The following PXT1 variants were observed in gnomAD, a reference collection of about 807,000 sequenced individuals.
PXT1 encodes peroxisomal testis-specific protein 1.
In PXT1, 11 loss-of-function variants were observed where a neutral mutation model predicts 11.0. The observed-to-expected ratio is 1.00, with a 90% CI of 0.63 to 1.66. PXT1 has a LOEUF of 1.66. Among genes scored for constraint, PXT1 ranks in the 40% most tolerant of loss-of-function variants. PXT1 has a pLI of 0.00. For synonymous variants in PXT1, 43 were observed against 51.4 expected, an observed-to-expected ratio of 0.84 and a Z score of 0.70; for missense variants, 141 against 155.5, an observed-to-expected ratio of 0.91 and a Z score of 0.49.
chr6:36,442,143 C>T (rs926493134), intron 1 of PXT1, among the ~76,000 whole-genome samples: 2 of 152,064 alleles, frequency 1.3e-5, no homozygotes, highest in African/African-American at 4.8e-5. Flanking sequence ...ATTCTCCTGC[C>T]TCAGCCTCCC....
chr6:36,393,707 C>G (rs1000535137), intron 4 of PXT1, among the ~76,000 whole-genome samples: 2 of 147,512 alleles, frequency 1.4e-5, no homozygotes, highest in Non-Finnish European at 1.5e-5. Flanking sequence ...GCCTGGATGA[C>G]AGAGTGAGAC....
At chr6:36,405,481 T>G (rs1325924697) in intron 3 of PXT1, among the ~76,000 whole-genome samples, 1 of 152,068 alleles carries the variant, frequency 6.6e-6, no homozygotes, top group Non-Finnish European at 1.5e-5. Flanking sequence ...CGGGTTCAAG[T>G]GATTCTCCTG....
chr6:36,398,546 G>T (rs919338321), intron 4 of PXT1, among the ~76,000 whole-genome samples: 1 of 152,114 alleles, frequency 6.6e-6, no homozygotes, highest in African/African-American at 2.4e-5. Flanking sequence ...ACTGTAAAAA[G>T]AAGTAAAATA....
intron 1 of PXT1, among the ~76,000 whole-genome samples, chr6:36,440,996 G>C (rs1774851085): frequency 6.6e-6 from 1 of 151,952 alleles, no homozygotes; most frequent in African/African-American, 2.4e-5. Flanking sequence ...AGCCAGTGCA[G>C]TGGCTCATGC....
At chr6:36,404,617 C>T (rs1040657567) in intron 3 of PXT1, among the ~76,000 whole-genome samples, 2 of 151,242 alleles carry the variant, frequency 1.3e-5, no homozygotes, top group East Asian at 1.9e-4. Context: ...CCACCGTGCC[C>T]GGACTGTTAT....
At chr6:36,408,794 T>C (rs1447134981) in intron 3 of PXT1, among the ~76,000 whole-genome samples, 2 of 151,720 alleles carry the variant, frequency 1.3e-5, no homozygotes, top group African/African-American at 2.4e-5. Context: ...GGTGAGAGGA[T>C]TGCTTGAGCC....
intron 3 of PXT1, among the ~76,000 whole-genome samples, chr6:36,412,519 G>A (rs1401707031): frequency 6.6e-6 from 1 of 152,032 alleles, no homozygotes; most frequent in Non-Finnish European, 1.5e-5. Flanking sequence ...ATTTAGCTGG[G>A]TGTGGTGGTG....
chr6:36,397,946 T>C (rs538013217), intron 4 of PXT1, among the ~76,000 whole-genome samples: 25 of 151,242 alleles, frequency 1.7e-4, no homozygotes, highest in Non-Finnish European at 2.1e-4. Context: ...AACCCAGGAG[T>C]TCAAGGCTGT....
intron 4 of PXT1, among the ~76,000 whole-genome samples, chr6:36,392,899 C>T (rs1384647366): frequency 1.3e-5 from 2 of 152,038 alleles, no homozygotes; most frequent in African/African-American, 2.4e-5. Context: ...ATGGCACCAC[C>T]TCACTTAGAA....
At chr6:36,403,196 C>A (rs1774239104) in intron 3 of PXT1, among the ~76,000 whole-genome samples, 1 of 152,148 alleles carries the variant, frequency 6.6e-6, no homozygotes, top group African/African-American at 2.4e-5. Flanking sequence ...TTCCCATGTG[C>A]AGGCAAGTTT....
At position 36,419,920 on chromosome 6, in the gene PXT1, T is replaced by A. The variant is rs182368407; in HGVS notation, c.169+5994A>T. ...GTCAAGAGTGGGAGGGAGAAGATAGTGTGGGAAGAGAGGGCCAGGGTCTCA... is the reference window on the plus strand; with the variant it reads ...GTCAAGAGTGGGAGGGAGAAGATAGAGTGGGAAGAGAGGGCCAGGGTCTCA... On this transcript the variant is annotated intron_variant, in intron 3 of 4. Coordinates refer to ENST00000454782, the MANE Select transcript of PXT1 (RefSeq NM_152990.4). 4.4e-4 allele frequency among the ~76,000 whole-genome samples: 67 copies of A among 152,288 alleles called. 1 individual carries two copies. Among genetic ancestry groups the A allele is most frequent in the Admixed American group, 4.0e-3 (61 of 15,304 alleles).
intron 4 of PXT1, among the ~76,000 whole-genome samples, chr6:36,394,198 A>C (rs1026261326): frequency 3.3e-5 from 5 of 152,152 alleles, no homozygotes; most frequent in Admixed American, 1.3e-4. Flanking sequence ...CATATATTTA[A>C]ATTCTAGTTT....
intron 3 of PXT1, among the ~76,000 whole-genome samples, chr6:36,422,719 G>A (rs958603771): frequency 3.3e-5 from 5 of 152,122 alleles, no homozygotes; most frequent in African/African-American, 9.7e-5. Context: ...ATTAAAAAAA[G>A]CAAAAGCAAA....
intron 3 of PXT1, among the ~76,000 whole-genome samples, chr6:36,409,440 C>T (rs1203758958): frequency 1.3e-5 from 2 of 152,122 alleles, no homozygotes; most frequent in Non-Finnish European, 2.9e-5. Flanking sequence ...GAGACGCACC[C>T]TTAACTGGAA....
At chr6:36,407,953 CTTTCT>C (rs1183461120) in intron 3 of PXT1, among the ~76,000 whole-genome samples, 2 of 126,620 alleles carry the variant, frequency 1.6e-5, no homozygotes, top group South Asian at 2.5e-4. Flanking sequence ...TTTTCTTTTT[CTTTCT>C]TTTTTTTTTT....
At chr6:36,437,514 GTTT>G (rs34332467) in intron 2 of PXT1, among the ~76,000 whole-genome samples, 8 of 120,090 alleles carry the variant, frequency 6.7e-5, no homozygotes, top group Admixed American at 1.7e-4. Flanking sequence ...TTTTGTGTGG[GTTT>G]TTTTTTTTTT....
chr6:36,391,890 G>A lies in PXT1; in HGVS notation c.301-16C>T, dbSNP rs1342798805. The A allele has an allele frequency of 4.7e-6, 7 of 1,484,952 alleles. No homozygotes were observed. The highest frequency in any genetic ancestry group is 2.1e-5 in the Admixed American group (1 of 47,612). 92.0% of individuals were successfully genotyped at this position (1,484,952 alleles called of 1,614,324 possible). ...GTTGAAGATCCTATTTGAAAAAAGGGAGACACAGAGAAAGGTTTTTTTTTT... is the reference window on the plus strand; with the variant it reads ...GTTGAAGATCCTATTTGAAAAAAGGAAGACACAGAGAAAGGTTTTTTTTTT... On this transcript the variant is annotated splice_polypyrimidine_tract_variant and intron_variant, in intron 4 of 4. Transcript: ENST00000454782.
intron 4 of PXT1, among the ~76,000 whole-genome samples, chr6:36,399,719 G>A (rs993515131): frequency 9.9e-5 from 15 of 152,154 alleles, no homozygotes; most frequent in Non-Finnish European, 2.1e-4. Flanking sequence ...ATTCTCTCCT[G>A]CCAAATACAG....
rs550503352 is a variant in PXT1, at chr6:36,435,275, A to G, written c.-10+3492T>C. Among the ~76,000 whole-genome samples, 3 of 152,342 alleles carry G rather than the reference A, an allele frequency of 2.0e-5. No homozygotes were observed. In the East Asian group the frequency reaches 5.8e-4, roughly 29 times the overall value. On this transcript the variant is annotated intron_variant, in intron 2 of 4. Transcript: ENST00000454782. ...CTACAAAAAATTTTAAAAATTAACC[A>G]GGCCAGGTGCAATGGCTTACGCCTG...
Sources: allele counts gnomAD v4.1 joint callset (sites outside exome capture counted in the v4.1 genomes callset), GRCh38; gene constraint gnomAD v4.1.1; transcripts MANE v1.5; gene names NCBI Gene and HGNC (gene_info 2026-07-23, HGNC 2026-07-21).